The following LRFN5 variants were observed in gnomAD, a reference collection of about 807,000 sequenced individuals.
The protein encoded by LRFN5 is leucine rich repeat and fibronectin type III domain containing 5.
A neutral mutation model predicts 45.6 loss-of-function variants in LRFN5; 24 were observed. That is an observed-to-expected ratio of 0.53 (90% CI 0.38 to 0.74). LRFN5 has a LOEUF of 0.74. LRFN5 is among the 30% of genes least tolerant of loss of function. LRFN5 has a pLI of 0.00. For synonymous variants in LRFN5, 340 were observed against 313.8 expected (o/e 1.08, Z -0.88); for missense variants, 776 against 861.5 (o/e 0.90, Z 1.24).
chr14:41,749,506 G>A (rs1161140265), intron 1 of LRFN5, among the ~76,000 whole-genome samples: 1 of 152,112 alleles, frequency 6.6e-6, no homozygotes, highest in Admixed American at 6.6e-5. Context: ...TAGAGATGAT[G>A]TCTTTTGCGG....
At chr14:41,880,517 ATTACT>A (rs1052656326) in intron 2 of LRFN5, among the ~76,000 whole-genome samples, 9 of 152,096 alleles carry the variant, frequency 5.9e-5, no homozygotes, top group Admixed American at 1.3e-4. Flanking sequence ...CATTTAATTA[ATTACT>A]TTAATTTTAA....
intron 1 of LRFN5, among the ~76,000 whole-genome samples, chr14:41,697,153 T>A (rs1882648331): frequency 6.6e-6 from 1 of 152,004 alleles, no homozygotes; most frequent in African/African-American, 2.4e-5. Flanking sequence ...GACATCGTTA[T>A]TATTTCTTTC....
At position 41,866,237 on chromosome 14, in the gene LRFN5, C is replaced by A. The variant is rs1441517737; in HGVS notation, c.-20-20369C>A. ...TAAAGGAAGTGGGTTCATTCTCCAT[C>A]ATTCATTTTTCTTTCTTCCTGGGAA... On this transcript the variant is annotated intron_variant, in intron 2 of 5. Transcript: ENST00000298119. Among the ~76,000 whole-genome samples, 4 of 152,098 alleles carry A rather than the reference C, an allele frequency of 2.6e-5. No homozygotes were observed. In the East Asian group the frequency reaches 7.7e-4, roughly 29 times the overall value.
At chr14:41,641,464 A>T (rs527402669) in intron 1 of LRFN5, among the ~76,000 whole-genome samples, 1 of 152,214 alleles carries the variant, frequency 6.6e-6, no homozygotes, top group Admixed American at 6.6e-5. Context: ...GCTATTTTAT[A>T]ACACATTTTT....
At chr14:41,742,475 T>C (rs1309780904) in intron 1 of LRFN5, among the ~76,000 whole-genome samples, 2 of 152,204 alleles carry the variant, frequency 1.3e-5, no homozygotes, top group South Asian at 2.1e-4. Flanking sequence ...CTAACTTATA[T>C]GTAATATCTA....
intron 1 of LRFN5, among the ~76,000 whole-genome samples, chr14:41,697,204 G>T (rs1882650532): frequency 6.6e-6 from 1 of 151,554 alleles, no homozygotes; most frequent in African/African-American, 2.4e-5. Context: ...AAGCCATCTG[G>T]GCATAGAATT....
intron 1 of LRFN5, among the ~76,000 whole-genome samples, chr14:41,622,264 A>G (rs1888163099): frequency 6.6e-6 from 1 of 152,044 alleles, no homozygotes; most frequent in South Asian, 2.1e-4. Context: ...TCCTGCTTTA[A>G]GATTTCTTAG....
chr14:41,826,841 G>A (rs994512674), intron 2 of LRFN5, among the ~76,000 whole-genome samples: 1 of 67,862 alleles, frequency 1.5e-5, no homozygotes, highest in African/African-American at 5.3e-5. Flanking sequence ...TTGTGTAAAT[G>A]TTGTTTTAAT....
At chr14:41,870,254 G>A (rs1889972079) in intron 2 of LRFN5, among the ~76,000 whole-genome samples, 3 of 152,082 alleles carry the variant, frequency 2.0e-5, no homozygotes, top group African/African-American at 7.2e-5. Flanking sequence ...ATTAAGAGAG[G>A]GAAGCTGCTG....
chr14:41,879,951 C>T (rs1388795507), intron 2 of LRFN5, among the ~76,000 whole-genome samples: 2 of 111,802 alleles, frequency 1.8e-5, no homozygotes, highest in African/African-American at 6.7e-5. Context: ...TTAACAGAGT[C>T]TCACTCTGTT....
chr14:41,669,418 CAG>C (rs1192870946), intron 1 of LRFN5, among the ~76,000 whole-genome samples: 1 of 151,830 alleles, frequency 6.6e-6, no homozygotes, highest in Non-Finnish European at 1.5e-5. Context: ...ACAAAAAAGA[CAG>C]ATATTTAATA....
chr14:41,727,533 G>A (rs11624415), intron 1 of LRFN5, among the ~76,000 whole-genome samples: 38,662 of 152,028 alleles, frequency 0.25, 5,374 homozygotes, highest in South Asian at 0.42. Context: ...GGCTGAGCAG[G>A]GAGGATTGCT....
intron 1 of LRFN5, among the ~76,000 whole-genome samples, chr14:41,639,536 T>C (rs1456478830): frequency 6.6e-6 from 1 of 152,104 alleles, no homozygotes; most frequent in Non-Finnish European, 1.5e-5. Flanking sequence ...TGTTCATTTA[T>C]GAAATAGTTA....
intron 1 of LRFN5, among the ~76,000 whole-genome samples, chr14:41,678,911 C>T (rs1214277847): frequency 1.3e-5 from 2 of 152,158 alleles, no homozygotes; most frequent in Non-Finnish European, 2.9e-5. Flanking sequence ...GCAACAGTCT[C>T]ACGGCACAGA....
At chr14:41,856,762 C>T (rs1357220769) in intron 2 of LRFN5, among the ~76,000 whole-genome samples, 3 of 138,008 alleles carry the variant, frequency 2.2e-5, no homozygotes, top group Non-Finnish European at 3.1e-5. Flanking sequence ...CTGCAAGCTC[C>T]GCCTTCCGGG....
chr14:41,647,358 T>A (rs963971778), intron 1 of LRFN5, among the ~76,000 whole-genome samples: 2 of 151,936 alleles, frequency 1.3e-5, no homozygotes, highest in Non-Finnish European at 2.9e-5. Context: ...CCCAAAGAAG[T>A]TTGGGCATTT....
At chr14:41,677,704 A>G (rs1881696446) in intron 1 of LRFN5, among the ~76,000 whole-genome samples, 1 of 152,112 alleles carries the variant, frequency 6.6e-6, no homozygotes. Flanking sequence ...TGATCCAATG[A>G]ACACAGATAA....
intron 4 of LRFN5, chr14:41,892,912 T>G (rs1890831352): frequency 5.1e-6 from 5 of 985,164 alleles, no homozygotes; most frequent in Non-Finnish European, 6.0e-6. Flanking sequence ...TTTTATGTTG[T>G]TCTTAATACA....
intron 2 of LRFN5, among the ~76,000 whole-genome samples, chr14:41,885,917 C>A (rs1890552875): frequency 6.9e-6 from 1 of 144,756 alleles, no homozygotes; most frequent in Non-Finnish European, 1.5e-5. Flanking sequence ...TCAGGGAGGC[C>A]AAATGGTCAT....
Sources: allele counts gnomAD v4.1 joint callset (sites outside exome capture counted in the v4.1 genomes callset), GRCh38; gene constraint gnomAD v4.1.1; transcripts MANE v1.5; gene names NCBI Gene and HGNC (gene_info 2026-07-23, HGNC 2026-07-21).